Variants in TMEM200A observed in about 807,000 individuals in gnomAD.
The protein encoded by TMEM200A is two transmembrane C.
Under a neutral mutation model 24.3 loss-of-function variants are expected in TMEM200A, and 12 were observed. That is an observed-to-expected ratio of 0.49 (90% CI 0.32 to 0.80). The LOEUF is 0.80. Among genes scored for constraint, TMEM200A ranks in the 30% least tolerant of loss-of-function variants. The pLI, the probability that TMEM200A is intolerant of heterozygous loss-of-function variation, is 0.04. For missense variants in TMEM200A, 545 were observed against 614.4 expected (o/e 0.89, Z 1.19); for synonymous variants, 224 against 224.4 (o/e 1.00, Z 0.02).
chr6:130,437,338 C>T (rs1031919072), intron 2 of TMEM200A: 3 of 152,130 alleles, frequency 2.0e-5, no homozygotes, highest in African/African-American at 7.2e-5. Flanking sequence ...ATGAAAGGTC[C>T]TTCTCTAATG....
chr6:130,396,426 A>C (rs1211239986), intron 2 of TMEM200A, among the ~76,000 whole-genome samples: 1 of 151,424 alleles, frequency 6.6e-6, no homozygotes, highest in Non-Finnish European at 1.5e-5. Context: ...TGTAAAGAAT[A>C]AAATATCTCA....
At chr6:130,420,103 A>G (rs1779547777) in intron 2 of TMEM200A, among the ~76,000 whole-genome samples, 1 of 152,198 alleles carries the variant, frequency 6.6e-6, no homozygotes, top group Non-Finnish European at 1.5e-5. Context: ...CACATTGGTC[A>G]TTAACTTTCA....
At chr6:130,378,040 G>A (rs1452114458) in intron 1 of TMEM200A, among the ~76,000 whole-genome samples, 1 of 152,154 alleles carries the variant, frequency 6.6e-6, no homozygotes, top group African/African-American at 2.4e-5. Context: ...AGGAGTCAGT[G>A]TGTGGGGTGG....
intron 2 of TMEM200A, among the ~76,000 whole-genome samples, chr6:130,433,220 T>G (rs1009554671): frequency 2.0e-5 from 3 of 151,110 alleles, no homozygotes; most frequent in African/African-American, 7.3e-5. Flanking sequence ...CACTGCTATC[T>G]CCACCTCTCA....
At chr6:130,440,291 C>A (rs887086190) in intron 2 of TMEM200A, 116 bp from the exon 3 acceptor site, 6 of 1,044,850 alleles carry the variant, frequency 5.7e-6, no homozygotes, top group African/African-American at 1.6e-5. Context: ...CCCATTTAAT[C>A]ACATGAAACT....
At chr6:130,379,692 A>G (rs573615568) in intron 1 of TMEM200A, among the ~76,000 whole-genome samples, 2 of 152,334 alleles carry the variant, frequency 1.3e-5, no homozygotes, top group East Asian at 3.9e-4. Context: ...TGAGTTCAGT[A>G]TGGGGCACAT....
chr6:130,405,842 T>C (rs1779193020), intron 2 of TMEM200A, among the ~76,000 whole-genome samples: 1 of 152,184 alleles, frequency 6.6e-6, no homozygotes, highest in Non-Finnish European at 1.5e-5. Flanking sequence ...ATCCAGATGA[T>C]AGACACTGCA....
At chr6:130,389,895 A>T (rs901389550) in intron 2 of TMEM200A, among the ~76,000 whole-genome samples, 2 of 152,180 alleles carry the variant, frequency 1.3e-5, no homozygotes, top group African/African-American at 4.8e-5. Flanking sequence ...ATCCCCATCC[A>T]GTTCTTTGTT....
At chr6:130,373,588 C>A (rs987197919) in intron 1 of TMEM200A, among the ~76,000 whole-genome samples, 2 of 152,112 alleles carry the variant, frequency 1.3e-5, no homozygotes, top group African/African-American at 4.8e-5. Context: ...TAAAATTGAA[C>A]TTTTAGGCCA....
In TMEM200A at chr6:130,407,583, C is replaced by T. The variant is rs554671226; in HGVS notation, c.-17+22347C>T. Among the ~76,000 whole-genome samples the T allele has an allele frequency of 4.6e-5, 7 of 152,312 alleles. No individual in the cohort carries two copies. The South Asian group carries it at 6.2e-4, about 14-fold the overall frequency. On this transcript the variant is annotated intron_variant, in intron 2 of 2. Transcript: ENST00000296978. The stretch of plus-strand genomic sequence containing the variant: ...ATGTACTTTTACACAGGTGTGTCCA[C>T]GGAGATACTTGATTTGGTCAATATC...
At chr6:130,380,529 C>T (rs1778572387) in intron 1 of TMEM200A, among the ~76,000 whole-genome samples, 1 of 152,140 alleles carries the variant, frequency 6.6e-6, no homozygotes, top group African/African-American at 2.4e-5. Context: ...CATTTTAGCT[C>T]ATTAAAGTTG....
intron 2 of TMEM200A, among the ~76,000 whole-genome samples, chr6:130,415,025 C>G (rs146102802): frequency 6.6e-6 from 1 of 152,040 alleles, no homozygotes; most frequent in African/African-American, 2.4e-5. Flanking sequence ...ATTCATAGGA[C>G]GTCAAGTATT....
intron 2 of TMEM200A, among the ~76,000 whole-genome samples, chr6:130,390,097 A>G (rs1336095771): frequency 6.6e-6 from 1 of 152,260 alleles, no homozygotes. Context: ...GTTTTCAAAA[A>G]AAGTATAAAA....
In TMEM200A at chr6:130,418,613, G is replaced by A. The variant is rs79878881; in HGVS notation, c.-16-21794G>A. Reference sequence around the variant, plus strand: ...TTGCTATTAAGGGTGGAGTTGAGATGAGAACTTTTAGTTGGCTTAGAGTAC... The same window carrying A: ...TTGCTATTAAGGGTGGAGTTGAGATAAGAACTTTTAGTTGGCTTAGAGTAC... On this transcript the variant is annotated intron_variant, in intron 2 of 2. Coordinates refer to ENST00000296978, the MANE Select transcript of TMEM200A (RefSeq NM_001258277.2). Among the ~76,000 whole-genome samples the A allele has an allele frequency of 7.8e-3, 1,190 of 152,208 alleles. 17 individuals are homozygous for A. The highest frequency in any genetic ancestry group is 0.026 in the African/African-American group (1,084 of 41,546).
intron 1 of TMEM200A, among the ~76,000 whole-genome samples, chr6:130,367,325 AAT>A (rs1489391595): frequency 6.6e-6 from 1 of 152,224 alleles, no homozygotes. Flanking sequence ...GTCTCTTCTG[AAT>A]ACCTTCAGAA....
intron 1 of TMEM200A, among the ~76,000 whole-genome samples, chr6:130,373,747 A>G (rs903254259): frequency 6.6e-6 from 1 of 152,208 alleles, no homozygotes; most frequent in African/African-American, 2.4e-5. Context: ...GATTCGTGGA[A>G]CGATAATTCC....
At chr6:130,393,974 T>C (rs1778893903) in intron 2 of TMEM200A, among the ~76,000 whole-genome samples, 1 of 152,204 alleles carries the variant, frequency 6.6e-6, no homozygotes, top group Non-Finnish European at 1.5e-5. Flanking sequence ...GAATATCACA[T>C]ATGCCTCTTT....
Position 130,412,121 on chromosome 6 carries a change from T to G in TMEM200A, c.-17+26885T>G, listed in dbSNP as rs1403579467. Among the ~76,000 whole-genome samples the G allele has an allele frequency of 2.0e-5, 3 of 148,952 alleles. No homozygotes were observed. The Admixed American group carries it at 2.0e-4, about 10-fold the overall frequency. On this transcript the variant is annotated intron_variant, in intron 2 of 2. Coordinates refer to ENST00000296978, the MANE Select transcript of TMEM200A (RefSeq NM_001258277.2). The stretch of plus-strand genomic sequence containing the variant: ...GGCTTTTTTTTTTTTTTGGCACTAA[T>G]CGTTGTGAGCTCATCTTGTCCTTTT...
At chr6:130,414,943 C>T (rs1263834222) in intron 2 of TMEM200A, among the ~76,000 whole-genome samples, 1 of 152,158 alleles carries the variant, frequency 6.6e-6, no homozygotes, top group African/African-American at 2.4e-5. Context: ...CAGCACCATA[C>T]TGAACTTCCA....
Sources: allele counts gnomAD v4.1 joint callset (sites outside exome capture counted in the v4.1 genomes callset), GRCh38; gene constraint gnomAD v4.1.1; transcripts MANE v1.5; gene names NCBI Gene and HGNC (gene_info 2026-07-23, HGNC 2026-07-21).